RFTN2: variants seen among roughly 807,000 people sequenced by gnomAD.
RFTN2 encodes raftlin family member 2, also known as raftlin-2.
Under a neutral mutation model 52.7 loss-of-function variants are expected in RFTN2, and 34 were observed. That is an observed-to-expected ratio of 0.64 (90% CI 0.49 to 0.86). RFTN2 has a LOEUF of 0.86. Ranked by LOEUF, RFTN2 falls within the 40% of genes least tolerant of loss-of-function variation. The pLI is 0.00. For synonymous variants in RFTN2, 203 were observed against 217.7 expected (o/e 0.93, Z 0.59); for missense variants, 536 against 600.1 (o/e 0.89, Z 1.12).
chr2:197,617,403 A>G (rs1163637575), intron 6 of RFTN2, among the ~76,000 whole-genome samples: 1 of 152,228 alleles, frequency 6.6e-6, no homozygotes, highest in African/African-American at 2.4e-5. Context: ...GAGATTCTAA[A>G]CACTAAACAA....
rs1344003650 is a variant in RFTN2 at position 197,638,326 on chromosome 2, G to T, written c.439-4329C>A. ...TTTCTGTCTCGTTGATCTGTCTAATGTTGACAGTGGGGTGTTAAAGTCTCC... is the reference window on the plus strand; with the variant it reads ...TTTCTGTCTCGTTGATCTGTCTAATTTTGACAGTGGGGTGTTAAAGTCTCC... On this transcript the variant is annotated intron_variant, in intron 3 of 8. Coordinates refer to ENST00000295049, the MANE Select transcript of RFTN2 (RefSeq NM_144629.3). Among the ~76,000 whole-genome samples the T allele has an allele frequency of 5.1e-4, 52 of 102,966 alleles. 4 individuals are homozygous for T. In the South Asian group the frequency reaches 0.013, roughly 25 times the overall value. 67.5% of individuals were successfully genotyped at this position (102,966 alleles called of 152,430 possible).
chr2:197,601,216 T>C (rs2087875248), intron 7 of RFTN2, among the ~76,000 whole-genome samples: 1 of 152,254 alleles, frequency 6.6e-6, no homozygotes, highest in African/African-American at 2.4e-5. Flanking sequence ...CCCTGCCTTC[T>C]TCTATGCATT....
At chr2:197,629,675 T>TTCACACACAC in intron 5 of RFTN2, among the ~76,000 whole-genome samples, 1 of 146,606 alleles carries the variant, frequency 6.8e-6, no homozygotes, top group Non-Finnish European at 1.5e-5. Flanking sequence ...TTAATTTTTA[T>TTCACACACAC]ACACACACAC....
intron 3 of RFTN2, among the ~76,000 whole-genome samples, chr2:197,643,763 A>G (rs192651582): frequency 6.0e-4 from 91 of 152,258 alleles, no homozygotes; most frequent in African/African-American, 2.1e-3. Flanking sequence ...TTCATTGACT[A>G]TATTTACTCT....
intron 7 of RFTN2, among the ~76,000 whole-genome samples, chr2:197,597,138 C>T (rs959710469): frequency 1.3e-5 from 2 of 152,182 alleles, no homozygotes; most frequent in Non-Finnish European, 2.9e-5. Flanking sequence ...ATTTGAAAAT[C>T]CCAGCCTTAC....
intron 1 of RFTN2, among the ~76,000 whole-genome samples, chr2:197,669,788 G>T (rs2089118579): frequency 6.6e-6 from 1 of 152,178 alleles, no homozygotes; most frequent in South Asian, 2.1e-4. Flanking sequence ...GCAGCCTGGG[G>T]GCTGGGGACC....
At chr2:197,624,757 T>A (rs1410651840) in intron 5 of RFTN2, among the ~76,000 whole-genome samples, 3 of 151,698 alleles carry the variant, frequency 2.0e-5, no homozygotes, top group African/African-American at 7.3e-5. Context: ...GTTCAGGAGT[T>A]CAAGACCAGC....
intron 5 of RFTN2, among the ~76,000 whole-genome samples, chr2:197,627,498 T>A (rs986312463): frequency 1.3e-5 from 2 of 151,996 alleles, no homozygotes; most frequent in Admixed American, 1.3e-4. Flanking sequence ...ATGAAATGAG[T>A]TTCAATGTTA....
rs57932509 is a variant in RFTN2, at chr2:197,665,508, G to A, written c.139+9812C>T. Among the ~76,000 whole-genome samples the A allele has an allele frequency of 3.1e-3, 87 of 28,116 alleles. 1 individual carries two copies. The East Asian group carries it at 0.037, about 12-fold the overall frequency. 18.4% of individuals were successfully genotyped at this position (28,116 alleles called of 152,430 possible). A position where few individuals can be genotyped will look rare whatever the true frequency, so the allele number is the denominator to read the frequency against. ...GCTGGATTGATTCCTTTATCATTAT[G>A]TACCTTGCCTTTTTTTTTTTTTTTT... On this transcript the variant is annotated intron_variant, in intron 1 of 8. Transcript: ENST00000295049.
chr2:197,598,785 A>C (rs1393502771), intron 7 of RFTN2, among the ~76,000 whole-genome samples: 1 of 152,018 alleles, frequency 6.6e-6, no homozygotes, highest in Non-Finnish European at 1.5e-5. Flanking sequence ...GGAAGTGTGG[A>C]CTTCTCAGGC....
intron 1 of RFTN2, among the ~76,000 whole-genome samples, chr2:197,649,188 A>T (rs1473646515): frequency 2.6e-5 from 4 of 152,224 alleles, no homozygotes; most frequent in African/African-American, 7.2e-5. Context: ...CAAAACAGAG[A>T]AAAACATAGG....
In RFTN2 at chr2:197,675,524, G is replaced by A; in HGVS notation, c.-66C>T. On this transcript the variant is annotated 5_prime_UTR_variant, in exon 1 of 9. Coordinates refer to ENST00000295049, the MANE Select transcript of RFTN2 (RefSeq NM_144629.3). ...GAGAGCAGCAAATTCTGTTGTTTAA[G>A]CTGCAAAAAGAAAGTTACAGACTTA... 2.0e-6 allele frequency: 2 copies of A among 979,946 alleles called. No homozygotes were observed. Among genetic ancestry groups the A allele is most frequent in the South Asian group, 2.6e-5 (1 of 38,628 alleles). 60.7% of individuals were successfully genotyped at this position (979,946 alleles called of 1,614,324 possible).
At chr2:197,590,449 C>G (rs139699003) in intron 8 of RFTN2, among the ~76,000 whole-genome samples, 1 of 152,016 alleles carries the variant, frequency 6.6e-6, no homozygotes, top group East Asian at 1.9e-4. Flanking sequence ...CCATAACTTC[C>G]GAAGAAAAAA....
chr2:197,595,972 A>G lies in RFTN2; in HGVS notation c.1233+19T>C. Reference sequence around the variant, plus strand: ...GCTTCAATATAACATTCAGTTAATAAAGCATCAATTTTACTCACATCTGGT... The same window carrying G: ...GCTTCAATATAACATTCAGTTAATAGAGCATCAATTTTACTCACATCTGGT... On this transcript the variant is annotated intron_variant, in intron 8 of 8. Coordinates refer to ENST00000295049, the MANE Select transcript of RFTN2 (RefSeq NM_144629.3). The G allele has an allele frequency of 6.7e-7, 1 of 1,492,166 alleles. No individual in the cohort carries two copies. The highest frequency in any genetic ancestry group is 1.1e-5 in the South Asian group (1 of 87,856). 92.4% of individuals were successfully genotyped at this position (1,492,166 alleles called of 1,614,324 possible). A position where few individuals can be genotyped will look rare whatever the true frequency, so the allele number is the denominator to read the frequency against.
At chr2:197,586,735 C>T (rs879508875) in intron 8 of RFTN2, among the ~76,000 whole-genome samples, 2 of 152,206 alleles carry the variant, frequency 1.3e-5, no homozygotes, top group Non-Finnish European at 2.9e-5. Context: ...GACTTCTCTG[C>T]TAGCATCACA....
intron 8 of RFTN2, among the ~76,000 whole-genome samples, chr2:197,582,027 G>T (rs548399210): frequency 6.6e-6 from 1 of 152,210 alleles, no homozygotes; most frequent in Admixed American, 6.5e-5. Context: ...GTGCAGGGCT[G>T]TGCAGTTGGA....
chr2:197,599,744 C>T, intron 7 of RFTN2, among the ~76,000 whole-genome samples: 1 of 152,186 alleles, frequency 6.6e-6, no homozygotes, highest in South Asian at 2.1e-4. Flanking sequence ...AGGGCGAACC[C>T]TCCACAGCTA....
chr2:197,590,780 C>T (rs1057242245), intron 8 of RFTN2, among the ~76,000 whole-genome samples: 5 of 152,224 alleles, frequency 3.3e-5, no homozygotes, highest in East Asian at 1.9e-4. Context: ...TGGAGTTGTT[C>T]GTTCCTCCCG....
chr2:197,629,944 G>A (rs992591734), intron 5 of RFTN2, among the ~76,000 whole-genome samples: 1 of 152,020 alleles, frequency 6.6e-6, no homozygotes, highest in Admixed American at 6.6e-5. Flanking sequence ...GGCTAGTCTC[G>A]AACTCCTGGA....
Sources: allele counts gnomAD v4.1 joint callset (sites outside exome capture counted in the v4.1 genomes callset), GRCh38; gene constraint gnomAD v4.1.1; transcripts MANE v1.5; gene names NCBI Gene and HGNC (gene_info 2026-07-23, HGNC 2026-07-21).